The following LURAP1L variants were observed in gnomAD, a reference collection of about 807,000 sequenced individuals.
LURAP1L encodes leucine rich adaptor protein 1 like.
LURAP1L carries 12 observed loss-of-function variants against 13.8 expected under a neutral mutation model. That is an observed-to-expected ratio of 0.87 (90% CI 0.56 to 1.41). LURAP1L has a LOEUF of 1.41. Ranked by LOEUF, LURAP1L falls within the 40% of genes most tolerant of loss-of-function variation. LURAP1L has a pLI of 0.00. For missense variants in LURAP1L, 375 were observed against 292.9 expected (o/e 1.28, Z -2.04); for synonymous variants, 139 against 119.2 (o/e 1.17, Z -1.08).
At chr9:12,784,420 C>T (rs1819321149) in intron 1 of LURAP1L, among the ~76,000 whole-genome samples, 1 of 152,180 alleles carries the variant, frequency 6.6e-6, no homozygotes, top group South Asian at 2.1e-4. Flanking sequence ...TCTGCCCAAG[C>T]CCAATAATAG....
intron 1 of LURAP1L, among the ~76,000 whole-genome samples, chr9:12,797,059 T>A (rs114068526): frequency 6.6e-6 from 1 of 151,966 alleles, no homozygotes; most frequent in Non-Finnish European, 1.5e-5. Context: ...AAAGTCAACA[T>A]GGGTTAAAAA....
chr9:12,810,712 C>T (rs1418098040), intron 1 of LURAP1L, among the ~76,000 whole-genome samples: 1 of 152,034 alleles, frequency 6.6e-6, no homozygotes, highest in Non-Finnish European at 1.5e-5. Flanking sequence ...ATGAATAAAT[C>T]ACTAGATTGG....
At chr9:12,803,660 TAGG>T (rs1425848164) in intron 1 of LURAP1L, among the ~76,000 whole-genome samples, 1 of 152,222 alleles carries the variant, frequency 6.6e-6, no homozygotes, top group Admixed American at 6.5e-5. Flanking sequence ...AGTAAAATTC[TAGG>T]AGAATACTAA....
intron 1 of LURAP1L, among the ~76,000 whole-genome samples, chr9:12,804,562 C>T (rs993270516): frequency 1.2e-4 from 18 of 151,980 alleles, no homozygotes; most frequent in African/African-American, 4.4e-4. Context: ...AGGCTGGTCT[C>T]GAATTCCTGA....
chr9:12,807,577 G>T (rs536073891), intron 1 of LURAP1L, among the ~76,000 whole-genome samples: 1 of 152,220 alleles, frequency 6.6e-6, no homozygotes, highest in Non-Finnish European at 1.5e-5. Flanking sequence ...TATATTTAAG[G>T]TGGGTTTCTA....
At chr9:12,787,109 T>C (rs142873798) in intron 1 of LURAP1L, among the ~76,000 whole-genome samples, 111 of 152,238 alleles carry the variant, frequency 7.3e-4, no homozygotes, top group African/African-American at 2.6e-3. Flanking sequence ...TACAAAAGTA[T>C]TTAAAGTAGA....
intron 1 of LURAP1L, among the ~76,000 whole-genome samples, chr9:12,797,131 C>G (rs1489511982): frequency 1.3e-5 from 2 of 151,888 alleles, no homozygotes; most frequent in African/African-American, 2.4e-5. Context: ...TATCAACAAC[C>G]AAAACCCCCA....
At chr9:12,812,228 A>G (rs1819746444) in intron 1 of LURAP1L, among the ~76,000 whole-genome samples, 1 of 152,320 alleles carries the variant, frequency 6.6e-6, no homozygotes. Context: ...AGATACCAGA[A>G]GAGGGTGGTT....
chr9:12,804,450 C>G lies in LURAP1L; in HGVS notation c.313-16936C>G, dbSNP rs576873120. On this transcript the variant is annotated intron_variant, in intron 1 of 1. Coordinates refer to ENST00000319264, the MANE Select transcript of LURAP1L (RefSeq NM_203403.2). ...ACCTCTGCCTCCCAGGTTCGTGATT[C>G]TCTTACCTAAGGCTTCCCAGTAGGT... Among the ~76,000 whole-genome samples, 8 of 150,050 alleles carry G rather than the reference C, an allele frequency of 5.3e-5. No homozygotes were observed. In the East Asian group the frequency reaches 1.4e-3, roughly 26 times the overall value.
At chr9:12,808,344 A>T (rs1165770903) in intron 1 of LURAP1L, among the ~76,000 whole-genome samples, 1 of 152,148 alleles carries the variant, frequency 6.6e-6, no homozygotes, top group African/African-American at 2.4e-5. Flanking sequence ...GGCAAAATAT[A>T]TATAACATAA....
intron 1 of LURAP1L, among the ~76,000 whole-genome samples, chr9:12,817,432 G>A (rs1819818996): frequency 6.6e-6 from 1 of 152,134 alleles, no homozygotes; most frequent in Non-Finnish European, 1.5e-5. Flanking sequence ...TGCTCATGGG[G>A]GGAAGAGAAA....
intron 1 of LURAP1L, among the ~76,000 whole-genome samples, chr9:12,817,882 T>C (rs10960810): frequency 0.31 from 46,613 of 151,924 alleles, 7,484 homozygotes; most frequent in East Asian, 0.42. Context: ...GAAAGCAGAG[T>C]GCAGCAGCTG....
rs1819153554 is a variant in LURAP1L at position 12,775,409 on chromosome 9, C to G, written c.-307C>G. 2.9e-6 allele frequency: 1 copy of G among 344,274 alleles called. No individual in the cohort carries two copies. The highest frequency in any genetic ancestry group is 5.0e-5 in the East Asian group (1 of 19,964). 21.3% of individuals were successfully genotyped at this position (344,274 alleles called of 1,614,324 possible). A position where few individuals can be genotyped will look rare whatever the true frequency, so the allele number is the denominator to read the frequency against. ...TTCCCCCTCTTTATTCCCCCTCTGT[C>G]TGCAATATCAGTGAACTCAACTTTG... On this transcript the variant is annotated 5_prime_UTR_variant, in exon 1 of 2. Coordinates refer to ENST00000319264, the MANE Select transcript of LURAP1L (RefSeq NM_203403.2).
chr9:12,795,935 T>C (rs1207715212), intron 1 of LURAP1L, among the ~76,000 whole-genome samples: 2 of 152,050 alleles, frequency 1.3e-5, no homozygotes, highest in Non-Finnish European at 2.9e-5. Context: ...GGAACAAGAA[T>C]AGGAAGAAAG....
At chr9:12,797,216 A>G (rs1057028428) in intron 1 of LURAP1L, among the ~76,000 whole-genome samples, 3 of 152,018 alleles carry the variant, frequency 2.0e-5, no homozygotes, top group Admixed American at 6.6e-5. Flanking sequence ...TATGGAAACT[A>G]TACTTATTTC....
intron 1 of LURAP1L, among the ~76,000 whole-genome samples, chr9:12,782,603 G>A (rs1190735174): frequency 6.6e-6 from 1 of 152,154 alleles, no homozygotes; most frequent in African/African-American, 2.4e-5. Context: ...CAGTGTGTCT[G>A]TTTTTATGCC....
At chr9:12,783,760 G>C (rs1341750701) in intron 1 of LURAP1L, among the ~76,000 whole-genome samples, 2 of 150,070 alleles carry the variant, frequency 1.3e-5, no homozygotes, top group African/African-American at 4.9e-5. Context: ...TTTTGGAATA[G>C]TTTGGGTAGG....
intron 1 of LURAP1L, among the ~76,000 whole-genome samples, chr9:12,788,040 A>T (rs1174531191): frequency 6.6e-6 from 1 of 151,976 alleles, no homozygotes; most frequent in African/African-American, 2.4e-5. Context: ...TGAACCCAGG[A>T]GGCAGAGGTT....
chr9:12,781,616 C>T (rs1232867895), intron 1 of LURAP1L, among the ~76,000 whole-genome samples: 2 of 152,170 alleles, frequency 1.3e-5, no homozygotes, highest in East Asian at 3.9e-4. Context: ...CTGATTAGTA[C>T]TCTATTGTGC....
Sources: gnomAD v4.1 joint callset for allele counts (sites outside exome capture counted in the v4.1 genomes callset) on GRCh38, gnomAD v4.1.1 for gene constraint, MANE v1.5 for transcripts, NCBI Gene and HGNC (gene_info 2026-07-23, HGNC 2026-07-21) for gene names.